Variants in KALRN observed in about 807,000 individuals in gnomAD.
KALRN encodes the protein kalirin.
A neutral mutation model predicts 353.7 loss-of-function variants in KALRN; 70 were observed. That is an observed-to-expected ratio of 0.20 (90% CI 0.16 to 0.24). The LOEUF (loss-of-function observed/expected upper bound fraction) is 0.24, where lower values mean the gene tolerates loss of function less well. Among genes scored for constraint, KALRN ranks in the 10% least tolerant of loss-of-function variants. The pLI is 1.00. For synonymous variants in KALRN, 1,391 were observed against 1,434.8 expected (o/e 0.97, Z 0.69); for missense variants, 2,791 against 3,756.7 (o/e 0.74, Z 6.72).
intron 34 of KALRN, among the ~76,000 whole-genome samples, chr3:124,623,006 A>G (rs1002289774): frequency 6.6e-6 from 1 of 152,180 alleles, no homozygotes; most frequent in African/African-American, 2.4e-5. Context: ...TAAATTAGTT[A>G]TATCAGATAT....
chr3:124,232,392 T>A (rs1047230538), intron 2 of KALRN, among the ~76,000 whole-genome samples: 12 of 152,202 alleles, frequency 7.9e-5, no homozygotes, highest in African/African-American at 2.9e-4. Flanking sequence ...TCTTGTCTAC[T>A]GTTCCACCCA....
At chr3:124,694,193 A>C (rs1051755376) in intron 52 of KALRN, 139 bp from the exon 53 acceptor site, 4 of 756,386 alleles carry the variant, frequency 5.3e-6, no homozygotes, top group Non-Finnish European at 8.8e-6. Context: ...GACCCAGATG[A>C]CTCACCAGTG....
At chr3:124,173,393 A>G (rs940463232) in intron 1 of KALRN, among the ~76,000 whole-genome samples, 7 of 152,228 alleles carry the variant, frequency 4.6e-5, no homozygotes, top group Admixed American at 2.6e-4. Flanking sequence ...CAAAGGACAG[A>G]CAGAATTGGG....
chr3:124,558,671 G>T (rs971428592), intron 33 of KALRN, among the ~76,000 whole-genome samples: 1 of 152,226 alleles, frequency 6.6e-6, no homozygotes, highest in East Asian at 1.9e-4. Flanking sequence ...TTCACAACAA[G>T]CTGTGAAGTA....
At chr3:124,513,359 T>C (rs2108868364) in intron 33 of KALRN, among the ~76,000 whole-genome samples, 1 of 152,220 alleles carries the variant, frequency 6.6e-6, no homozygotes, top group Middle Eastern at 3.4e-3. Context: ...TCCAGTTTGG[T>C]GTTTACTTTC....
intron 1 of KALRN, among the ~76,000 whole-genome samples, chr3:124,052,581 CA>C (rs1273427109): frequency 6.6e-6 from 1 of 152,082 alleles, no homozygotes; most frequent in African/African-American, 2.4e-5. Flanking sequence ...CCAACTCCAG[CA>C]TCTCAAAAGG....
intron 8 of KALRN, among the ~76,000 whole-genome samples, chr3:124,333,746 G>A (rs2080842019): frequency 6.6e-6 from 1 of 152,176 alleles, no homozygotes; most frequent in South Asian, 2.1e-4. Context: ...AAATTAGCCA[G>A]GTGTGGTGGC....
At position 124,722,453 on chromosome 3, in the gene KALRN, G is replaced by A. The variant is rs2063369838; in HGVS notation, c.*2983G>A. The stretch of plus-strand genomic sequence containing the variant: ...TTAATAGAGGCCCCAAGAGAAAGGG[G>A]GTATATTTTATATAGTTTGATAACG... On this transcript the variant is annotated 3_prime_UTR_variant, in exon 60 of 60. Coordinates refer to ENST00000682506, the MANE Select transcript of KALRN (RefSeq NM_001388419.1). 6.6e-6 allele frequency: 1 copy of A among 152,056 alleles called. No homozygotes were observed. The highest frequency in any genetic ancestry group is 2.4e-5 in the African/African-American group (1 of 41,390). The allele number at this position is 152,056 out of a possible 1,614,324, so 9.4% of individuals were successfully genotyped here.
chr3:124,687,664 T>A (rs936898468), intron 51 of KALRN, among the ~76,000 whole-genome samples: 1 of 151,740 alleles, frequency 6.6e-6, no homozygotes, highest in Admixed American at 6.6e-5. Flanking sequence ...GAAAACCATA[T>A]GGAATTTTTT....
At chr3:124,336,972 C>T (rs1226110950) in intron 9 of KALRN, among the ~76,000 whole-genome samples, 2 of 152,098 alleles carry the variant, frequency 1.3e-5, no homozygotes, top group Non-Finnish European at 2.9e-5. Flanking sequence ...GATTTTTGCA[C>T]ATTCCAGAAT....
chr3:124,511,473 C>G (rs769776252), intron 33 of KALRN, among the ~76,000 whole-genome samples: 9 of 152,220 alleles, frequency 5.9e-5, no homozygotes, highest in Non-Finnish European at 1.3e-4. Flanking sequence ...CAAGTGACTT[C>G]CACTGGAGGA....
rs191842945 is a variant in KALRN at position 124,461,733 on chromosome 3, A to C, written c.3855-157A>C. 8.0e-4 allele frequency among the ~76,000 whole-genome samples: 122 copies of C among 152,290 alleles called. 1 individual carries two copies. Among genetic ancestry groups the C allele is most frequent in the African/African-American group, 2.8e-3 (117 of 41,564 alleles). On this transcript the variant is annotated intron_variant, in intron 23 of 59. Coordinates refer to ENST00000682506, the MANE Select transcript of KALRN (RefSeq NM_001388419.1). ...AGTATCATAGGAAGATACTTGTAGG[A>C]AAGGGAAGGAATTTTGAAGAAAGGA...
chr3:124,648,712 A>G (rs1433038500), intron 37 of KALRN, among the ~76,000 whole-genome samples: 1 of 152,216 alleles, frequency 6.6e-6, no homozygotes, highest in Non-Finnish European at 1.5e-5. Context: ...AATGGGGAGA[A>G]GGAGAGAAGA....
At chr3:124,457,080 T>A (rs893157111) in intron 23 of KALRN, among the ~76,000 whole-genome samples, 1 of 152,076 alleles carries the variant, frequency 6.6e-6, no homozygotes, top group Non-Finnish European at 1.5e-5. Flanking sequence ...TTAAGTTTTT[T>A]ATTTTTTGGG....
intron 6 of KALRN, among the ~76,000 whole-genome samples, chr3:124,321,711 G>A (rs1165721768): frequency 6.6e-6 from 1 of 152,164 alleles, no homozygotes; most frequent in Non-Finnish European, 1.5e-5. Context: ...CAATATACAC[G>A]GTTTTTGAGT....
At chr3:124,460,976 G>A (rs538718431) in intron 23 of KALRN, among the ~76,000 whole-genome samples, 10 of 152,120 alleles carry the variant, frequency 6.6e-5, no homozygotes, top group African/African-American at 1.2e-4. Context: ...ATGGTTGCAC[G>A]TTCAGTTTTC....
intron 2 of KALRN, among the ~76,000 whole-genome samples, chr3:124,228,981 C>G (rs1339325652): frequency 2.0e-5 from 3 of 152,192 alleles, no homozygotes; most frequent in Non-Finnish European, 2.9e-5. Flanking sequence ...CTCTGCCTCT[C>G]TCTTTTAAGG....
intron 51 of KALRN, among the ~76,000 whole-genome samples, chr3:124,686,015 AG>A (rs1166319656): frequency 6.6e-6 from 1 of 152,194 alleles, no homozygotes; most frequent in African/African-American, 2.4e-5. Flanking sequence ...GATTAACACA[AG>A]GCATTGCAGT....
At chr3:124,319,415 A>G (rs932071395) in intron 6 of KALRN, among the ~76,000 whole-genome samples, 10 of 151,376 alleles carry the variant, frequency 6.6e-5, no homozygotes, top group African/African-American at 1.5e-4. Flanking sequence ...TTTGCACCTC[A>G]ATAAAAAGAG....
Sources: allele counts gnomAD v4.1 joint callset (sites outside exome capture counted in the v4.1 genomes callset), GRCh38; gene constraint gnomAD v4.1.1; transcripts MANE v1.5; gene names NCBI Gene and HGNC (gene_info 2026-07-23, HGNC 2026-07-21).